Variants in MYH4 observed in about 807,000 individuals in gnomAD.
MYH4 encodes the protein myosin-4.
MYH4 carries 200 observed loss-of-function variants against 229.9 expected under a neutral mutation model. The ratio of observed to expected loss-of-function variants is 0.87; its 90% CI spans 0.78 to 0.98. The LOEUF (loss-of-function observed/expected upper bound fraction) is 0.98. Among genes scored for constraint, MYH4 ranks in the 50% least tolerant of loss-of-function variants. The pLI, the probability that MYH4 is intolerant of heterozygous loss-of-function variation, is 0.00. For missense variants in MYH4, 2,148 were observed against 2,332.6 expected, an observed-to-expected ratio of 0.92 and a Z score of 1.63; for synonymous variants, 761 against 834.6, an observed-to-expected ratio of 0.91 and a Z score of 1.52.
intron 28 of MYH4, 76 bp from the exon 29 acceptor site, chr17:10,450,971 T>C: frequency 1.6e-6 from 2 of 1,214,590 alleles, no homozygotes; most frequent in South Asian, 1.3e-5. Flanking sequence ...AATAACATTG[T>C]AACCCTCTTA....
chr17:10,468,480 A>G (rs1275143344), intron 2 of MYH4, among the ~76,000 whole-genome samples: 4 of 152,246 alleles, frequency 2.6e-5, no homozygotes, highest in Non-Finnish European at 4.4e-5. Context: ...TATAGCTGCT[A>G]TGTTAAATAT....
At position 10,451,410 on chromosome 17, in the gene MYH4, T is replaced by G. The variant is rs34610503; in HGVS notation, c.3781A>C (p.Ser1261Arg). 3.5e-3 allele frequency: 5,685 copies of G among 1,614,040 alleles called. 40 individuals carry two copies. The highest frequency in any genetic ancestry group is 0.011 in the Middle Eastern group (65 of 6,060). ...KMCRTLEDQL[S>R]EIKTKEEEQQ... is the part of the protein sequence containing the mutation. ...TCTTCTTCCTTTGTTTTTATTTCAC[T>G]AAGCTGGTCCTCTAGGGTGCGGCAC... The change falls in exon 28 of 40, where the codon AGT becomes CGT. Residue 1261 changes from serine (S) to arginine (R), a missense_variant. Physicochemically the swap from Ser to Arg is moderately radical, Grantham distance 110. Transcript: ENST00000255381.
chr17:10,451,462 G>A lies in MYH4; in HGVS notation c.3739-10C>T. ...TTTTCTCAAAGTTTGCCTGGGGTGA[G>A]AGGTAGAAAACAGGAAGAGACAATA... On this transcript the variant is annotated splice_polypyrimidine_tract_variant and intron_variant, in intron 27 of 39. Transcript: ENST00000255381. The A allele has an allele frequency of 6.2e-7, 1 of 1,612,456 alleles. No homozygotes were observed.
At chr17:10,448,544 T>C in intron 32 of MYH4, 24 bp from the exon 33 acceptor site, 1 of 1,610,670 alleles carries the variant, frequency 6.2e-7, no homozygotes, top group South Asian at 1.1e-5. Flanking sequence ...GTACCAAATT[T>C]CAGTTAAGTA....
intron 2 of MYH4, among the ~76,000 whole-genome samples, chr17:10,467,140 C>G (rs1195060006): frequency 6.6e-6 from 1 of 152,060 alleles, no homozygotes; most frequent in Non-Finnish European, 1.5e-5. Context: ...TTCCAACTTC[C>G]CCCTCTTAAC....
chr17:10,458,432 T>C (rs565981379), intron 15 of MYH4, among the ~76,000 whole-genome samples: 2 of 152,342 alleles, frequency 1.3e-5, no homozygotes, highest in South Asian at 2.1e-4. Context: ...AGAGATATTA[T>C]ATCACCAGAT....
chr17:10,464,372 T>C (rs2072737045), intron 7 of MYH4, 100 bp downstream of exon 7: 1 of 988,338 alleles, frequency 1.0e-6, no homozygotes, highest in South Asian at 1.7e-5. Context: ...TATTCCATGG[T>C]GTATACGTAC....
rs1381047099 is a variant in MYH4, at chr17:10,454,769, A to G, written c.2477T>C (p.Met826Thr). ...CATCCAGGGCCAGTGCTTCACATTCATGAAAGCACGGATGTTGTACTGAAT... is the reference window on the plus strand; with the variant it reads ...CATCCAGGGCCAGTGCTTCACATTCGTGAAAGCACGGATGTTGTACTGAAT... ...FCIQYNIRAF[M>T]NVKHWPWMKL... Residue 826 changes from methionine (M) to threonine (T), a missense_variant, in exon 22 of 40, where the codon ATG becomes ACG. Met to Thr is a moderately conservative substitution (Grantham distance 81). Coordinates refer to ENST00000255381, the MANE Select transcript of MYH4 (RefSeq NM_017533.2). 6 of 1,614,206 alleles carry G rather than the reference A, an allele frequency of 3.7e-6. No homozygotes were observed. The highest frequency in any genetic ancestry group is 5.1e-6 in the Non-Finnish European group (6 of 1,180,022).
chr17:10,445,167 G>T (rs1319979868), intron 36 of MYH4, 21 bp from the exon 37 acceptor site: 1 of 1,614,020 alleles, frequency 6.2e-7, no homozygotes, highest in East Asian at 2.2e-5. Context: ...AATAAATTTT[G>T]AAAATAATGA....
intron 16 of MYH4, among the ~76,000 whole-genome samples, chr17:10,457,100 T>A (rs527717359): frequency 6.6e-6 from 1 of 152,372 alleles, no homozygotes; most frequent in South Asian, 2.1e-4. Context: ...CCAGCCTAGC[T>A]GGAGAACCTT....
intron 30 of MYH4, 98 bp from the exon 31 acceptor site, chr17:10,449,145 G>T: frequency 9.7e-7 from 1 of 1,028,498 alleles, no homozygotes; most frequent in Non-Finnish European, 1.4e-6. Context: ...TTCCCCAAGA[G>T]TTGTCTACAA....
chr17:10,448,332 G>A (rs1296439015), intron 33 of MYH4, 64 bp downstream of exon 33: 2 of 1,521,040 alleles, frequency 1.3e-6, no homozygotes, highest in Non-Finnish European at 8.9e-7. Flanking sequence ...ACATGATAGA[G>A]ATCTCAGTTG....
intron 4 of MYH4, 138 bp from the exon 5 acceptor site, chr17:10,465,736 C>A: frequency 1.9e-6 from 2 of 1,025,828 alleles, no homozygotes; most frequent in Non-Finnish European, 2.8e-6. Context: ...TGCCTCCTTC[C>A]ATCATTGCTG....
At chr17:10,456,941 G>A (rs759603810) in intron 16 of MYH4, among the ~76,000 whole-genome samples, 77 of 152,296 alleles carry the variant, frequency 5.1e-4, no homozygotes, top group Non-Finnish European at 9.6e-4. Flanking sequence ...GTCCCAGGTA[G>A]GTGAGCCTCT....
rs1394396976 is a variant in MYH4 at position 10,459,251 on chromosome 17, C to T, written c.1587G>A (p.Lys529=). The T allele has an allele frequency of 1.1e-5, 17 of 1,613,974 alleles. No individual in the cohort carries two copies. Among genetic ancestry groups the T allele is most frequent in the Non-Finnish European group, 1.4e-5 (17 of 1,179,958 alleles). The change falls in exon 15 of 40, where the codon AAG becomes AAA. Residue 529 remains lysine (K), a splice_region_variant and synonymous_variant. Coordinates refer to ENST00000255381, the MANE Select transcript of MYH4 (RefSeq NM_017533.2). The part of the protein sequence containing the change: ...DLAACIELIE[K]PMGIFSILEE... ...TGAAAGCTAGAAAAGTCATATGAAC[C>T]TTCTCGATGAGCTCGATGCAGGCAG...
In MYH4 at chr17:10,463,096, G is replaced by A; in HGVS notation, c.898C>T (p.Leu300Phe). Reference sequence around the variant, plus strand: ...AATCAAAGATGTGTCTTACCAATGAGCTCTGGTTTCTTATTGGACAGGATT... The same window carrying A: ...AATCAAAGATGTGTCTTACCAATGAACTCTGGTTTCTTATTGGACAGGATT... ...YQILSNKKPE[L>F]IEMLLITTNP... The change falls in exon 10 of 40, where the codon CTC (leucine) becomes TTC (phenylalanine). Residue 300 changes from leucine (L) to phenylalanine (F), a missense_variant. Transcript: ENST00000255381. 6.2e-7 allele frequency: 1 copy of A among 1,610,520 alleles called. No individual in the cohort carries two copies.
Position 10,453,655 on chromosome 17 carries a change from G to A in MYH4, c.2922C>T (p.Ala974=), listed in dbSNP as rs141322846. The change falls in exon 23 of 40, where the codon GCC becomes GCT. Residue 974 remains alanine, a synonymous_variant. Coordinates refer to ENST00000255381, the MANE Select transcript of MYH4 (RefSeq NM_017533.2). ...TCATGATTTGTACCTTGTTCTCTGT[G>A]GCATGTTTCTCCTTCTCAACCTTGG... The part of the protein sequence containing the change: ...TLAKVEKEKH[A]TENKVKNLTE... 331 of 1,613,960 alleles carry A rather than the reference G, an allele frequency of 2.1e-4. 1 individual carries two copies. In the African/African-American group the frequency reaches 3.9e-3, roughly 19 times the overall value.
At position 10,452,310 on chromosome 17, in the gene MYH4, C is replaced by T. The variant is rs3744555; in HGVS notation, c.3369G>A (p.Glu1123=). ...AGGCCCGCTCTGCCTCGATTTCCTCCTCCAGCTCCTCAATGCGGGCCTGGT... is the reference window on the plus strand; with the variant it reads ...AGGCCCGCTCTGCCTCGATTTCCTCTTCCAGCTCCTCAATGCGGGCCTGGT... ...KELQARIEEL[E]EEIEAERASR... Residue 1123 remains glutamate, a synonymous_variant, in exon 27 of 40, where the codon GAG becomes GAA. Transcript: ENST00000255381. The T allele has an allele frequency of 1.9e-6, 3 of 1,614,156 alleles. No individual in the cohort carries two copies. The East Asian group carries it at 6.7e-5, about 36-fold the overall frequency.
rs766547496 is a variant in MYH4 at position 10,444,653 on chromosome 17, TCCA to T, written c.5615_5617del (p.Val1872del). 6.2e-7 allele frequency: 1 copy of T among 1,614,064 alleles called. No homozygotes were observed. The highest frequency in any genetic ancestry group is 1.7e-5 in the Admixed American group (1 of 60,004). On this transcript the variant is annotated inframe_deletion, in exon 39 of 40. Coordinates refer to ENST00000255381, the MANE Select transcript of MYH4 (RefSeq NM_017533.2). ...AGCTTTGACTTTGGTTTGCAATTTG[TCCA>T]CCAAGTCCTGCAGCCTGAGAATATT...
Sources: gnomAD v4.1 joint callset for allele counts (sites outside exome capture counted in the v4.1 genomes callset) on GRCh38, gnomAD v4.1.1 for gene constraint, MANE v1.5 for transcripts, NCBI Gene and HGNC (gene_info 2026-07-23, HGNC 2026-07-21) for gene names.